MSH4: variants seen among roughly 807,000 people sequenced by gnomAD.
The protein encoded by MSH4 is mutS homolog 4, also known as mutS protein homolog 4.
A neutral mutation model predicts 113.7 loss-of-function variants in MSH4; 106 were observed. That is an observed-to-expected ratio of 0.93 (90% CI 0.80 to 1.10). The LOEUF is 1.10. Ranked by LOEUF, MSH4 falls within the 50% of genes least tolerant of loss-of-function variation. The probability of loss-of-function intolerance (pLI) is 0.00; values close to 1 mark genes in which losing one functional copy is unlikely to be tolerated. For synonymous variants in MSH4, 368 were observed against 380.2 expected (o/e 0.97, Z 0.37); for missense variants, 1,061 against 1,093.7 (o/e 0.97, Z 0.42).
chr1:75,855,693 C>T (rs1242625638), intron 8 of MSH4, among the ~76,000 whole-genome samples: 2 of 152,128 alleles, frequency 1.3e-5, no homozygotes, highest in African/African-American at 4.8e-5. Flanking sequence ...CTTTGTATGA[C>T]ATCAATATTA....
Position 75,839,929 on chromosome 1 carries a change from C to T in MSH4, c.1163-8280C>T, listed in dbSNP as rs1438174384. Among the ~76,000 whole-genome samples, 7 of 144,428 alleles carry T rather than the reference C, an allele frequency of 4.8e-5. No homozygotes were observed. In the East Asian group the frequency reaches 1.5e-3, roughly 30 times the overall value. 94.8% of individuals were successfully genotyped at this position (144,428 alleles called of 152,430 possible). A position where few individuals can be genotyped will look rare whatever the true frequency, so the allele number is the denominator to read the frequency against. ...AAACACATGAAAAAATGCTCACCATCACTGGCCATCAGAGAAATGCAAATC... is the reference window on the plus strand; with the variant it reads ...AAACACATGAAAAAATGCTCACCATTACTGGCCATCAGAGAAATGCAAATC... On this transcript the variant is annotated intron_variant, in intron 7 of 19. Transcript: ENST00000263187.
intron 18 of MSH4, among the ~76,000 whole-genome samples, chr1:75,899,347 C>T (rs1182818237): frequency 6.6e-6 from 1 of 152,102 alleles, no homozygotes; most frequent in Non-Finnish European, 1.5e-5. Flanking sequence ...TTCTAACTAT[C>T]TCTTTTGTTC....
intron 3 of MSH4, 37 bp from the exon 4 acceptor site, chr1:75,810,660 G>A: frequency 1.0e-6 from 1 of 969,932 alleles, no homozygotes; most frequent in South Asian, 1.9e-5. Context: ...TATTTCCTAA[G>A]CTTTATTTAA....
intron 7 of MSH4, among the ~76,000 whole-genome samples, chr1:75,841,623 A>G (rs905103281): frequency 1.3e-5 from 2 of 152,134 alleles, no homozygotes; most frequent in African/African-American, 4.8e-5. Context: ...CCTTTTTATA[A>G]TGCTAAGGAG....
chr1:75,886,086 A>G (rs1652097116), intron 15 of MSH4, among the ~76,000 whole-genome samples: 1 of 12,878 alleles, frequency 7.8e-5, no homozygotes, highest in South Asian at 2.4e-3. Flanking sequence ...ATGATGTATT[A>G]TATATAGCAT....
intron 8 of MSH4, among the ~76,000 whole-genome samples, chr1:75,848,608 C>T (rs898921709): frequency 2.6e-5 from 4 of 152,070 alleles, no homozygotes; most frequent in African/African-American, 9.7e-5. Context: ...CATGCTGTTG[C>T]ATGCTTGTAG....
rs772814321 is a variant in MSH4 at position 75,883,653 on chromosome 1, A to G, written c.1939A>G (p.Lys647Glu). The G allele has an allele frequency of 5.0e-6, 8 of 1,613,218 alleles. No individual in the cohort carries two copies. The Middle Eastern group carries it at 5.0e-4, about 100-fold the overall frequency. The change falls in exon 15 of 20, where the codon AAA (lysine) becomes GAA (glutamate). Residue 647 changes from lysine (K) to glutamate (E), a missense_variant. By Grantham distance (56) the Lys-to-Glu change is moderately conservative. Coordinates refer to ENST00000263187, the MANE Select transcript of MSH4 (RefSeq NM_002440.4). ...AGAATTTACTGATACTTTAGCAATCAAACAGGGATGGCATCCTATTCTTGA... is the reference window on the plus strand; with the variant it reads ...AGAATTTACTGATACTTTAGCAATCGAACAGGGATGGCATCCTATTCTTGA... ...RPEFTDTLAI[K>E]QGWHPILEKI...
intron 2 of MSH4, among the ~76,000 whole-genome samples, chr1:75,805,740 C>T (rs1366455495): frequency 6.6e-6 from 1 of 152,066 alleles, no homozygotes; most frequent in Non-Finnish European, 1.5e-5. Context: ...CTTTTGAGAA[C>T]TGGACTAATT....
chr1:75,891,286 T>C (rs1005566230), intron 17 of MSH4, among the ~76,000 whole-genome samples: 1 of 152,170 alleles, frequency 6.6e-6, no homozygotes, highest in Non-Finnish European at 1.5e-5. Flanking sequence ...ATTTTTGCTC[T>C]ATTAAATTAA....
intron 8 of MSH4, among the ~76,000 whole-genome samples, chr1:75,860,302 A>G: frequency 6.6e-6 from 1 of 152,174 alleles, no homozygotes; most frequent in East Asian, 1.9e-4. Flanking sequence ...TGATCCTGTC[A>G]TCATGATGCT....
intron 8 of MSH4, among the ~76,000 whole-genome samples, chr1:75,858,068 A>T (rs1458846175): frequency 6.6e-6 from 1 of 152,030 alleles, no homozygotes; most frequent in African/African-American, 2.4e-5. Flanking sequence ...CTCTCTGTTT[A>T]TCTGTTATTG....
intron 18 of MSH4, 97 bp downstream of exon 18, chr1:75,898,178 A>C: frequency 3.8e-6 from 3 of 786,648 alleles, no homozygotes; most frequent in Non-Finnish European, 5.7e-6. Context: ...AATCTAAGGA[A>C]ATTTTCTCAT....
At chr1:75,880,333 C>A (rs1027081738) in intron 13 of MSH4, among the ~76,000 whole-genome samples, 180 bp downstream of exon 13, 17 of 152,120 alleles carry the variant, frequency 1.1e-4, no homozygotes, top group African/African-American at 3.6e-4. Context: ...CGGGGAAGAT[C>A]TAATTGCAAA....
chr1:75,881,195 A>G (rs1248735718), intron 13 of MSH4, 51 bp from the exon 14 acceptor site: 3 of 1,415,624 alleles, frequency 2.1e-6, no homozygotes, highest in Non-Finnish European at 2.9e-6. Context: ...ATTACAATGT[A>G]TGTCCCTTTT....
intron 7 of MSH4, among the ~76,000 whole-genome samples, chr1:75,835,322 G>T (rs1229127058): frequency 1.3e-5 from 2 of 152,000 alleles, no homozygotes; most frequent in African/African-American, 4.8e-5. Flanking sequence ...ATATTCCTGT[G>T]TATTTAGTAT....
chr1:75,849,594 C>G (rs1651143830), intron 8 of MSH4, among the ~76,000 whole-genome samples: 1 of 152,104 alleles, frequency 6.6e-6, no homozygotes, highest in Non-Finnish European at 1.5e-5. Flanking sequence ...TGGGCAGGCA[C>G]AGAACTGAGT....
At chr1:75,907,654 C>T (rs12048122) in intron 19 of MSH4, among the ~76,000 whole-genome samples, 37,502 of 119,130 alleles carry the variant, frequency 0.31, 6,867 homozygotes, top group East Asian at 0.7. Flanking sequence ...TGCTCTTCCA[C>T]GGTGTATCTC....
chr1:75,892,372 T>TAC (rs1317289174), intron 17 of MSH4, among the ~76,000 whole-genome samples: 31 of 125,558 alleles, frequency 2.5e-4, no homozygotes, highest in South Asian at 7.0e-4. Context: ...CGCACACACA[T>TAC]ACACACTCTC....
intron 9 of MSH4, among the ~76,000 whole-genome samples, chr1:75,872,045 T>C (rs944557834): frequency 6.6e-6 from 1 of 152,218 alleles, no homozygotes; most frequent in Non-Finnish European, 1.5e-5. Flanking sequence ...AAATTTTACA[T>C]CTTGACCTTA....
Sources: gnomAD v4.1 joint callset for allele counts (sites outside exome capture counted in the v4.1 genomes callset) on GRCh38, gnomAD v4.1.1 for gene constraint, MANE v1.5 for transcripts, NCBI Gene and HGNC (gene_info 2026-07-23, HGNC 2026-07-21) for gene names.